Variants in MAPT observed in about 807,000 individuals in gnomAD.
The protein encoded by MAPT is microtubule associated protein tau.
In MAPT, 34 loss-of-function variants were observed where a neutral mutation model predicts 67.9. The observed-to-expected ratio is 0.50, with a 90% CI of 0.38 to 0.67. The LOEUF is 0.67. Ranked by LOEUF, MAPT falls within the 30% of genes least tolerant of loss-of-function variation. MAPT has a pLI of 0.00. For missense variants in MAPT, 881 were observed against 1,115.2 expected (o/e 0.79, Z 2.99); for synonymous variants, 456 against 464.5 (o/e 0.98, Z 0.23).
In MAPT at chr17:46,019,285, G is replaced by A. The variant is rs146265550; in HGVS notation, c.2286+555G>A. Among the ~76,000 whole-genome samples the A allele has an allele frequency of 9.2e-3, 1,359 of 148,424 alleles. 21 individuals are homozygous for A. Among genetic ancestry groups the A allele is most frequent in the African/African-American group, 0.032 (1,313 of 41,226 alleles). ...CATGAGAACAGCATGGGAAAGACCC[G>A]CCCCCATGATTCAGTTACCTCCCAC... On this transcript the variant is annotated intron_variant, in intron 12 of 12. Coordinates refer to ENST00000262410, the MANE Select transcript of MAPT (RefSeq NM_001377265.1).
At chr17:45,999,487 G>A (rs1168338161) in intron 9 of MAPT, 7 of 1,613,942 alleles carry the variant, frequency 4.3e-6, no homozygotes, top group Middle Eastern at 3.3e-4. Context: ...CTTGGAAGGT[G>A]TGGGCACCAT....
chr17:46,007,663 CA>C (rs1417968422), intron 9 of MAPT, among the ~76,000 whole-genome samples: 1 of 152,008 alleles, frequency 6.6e-6, no homozygotes, highest in Admixed American at 6.6e-5. Context: ...AAAAAATAAG[CA>C]AAACAATGTT....
intron 1 of MAPT, among the ~76,000 whole-genome samples, chr17:45,946,438 C>T (rs911957820): frequency 2.0e-5 from 3 of 150,096 alleles, no homozygotes; most frequent in African/African-American, 7.3e-5. Context: ...CTTGTCTCTA[C>T]TAAAAGTTCA....
chr17:45,916,200 T>C (rs541748124), intron 1 of MAPT, among the ~76,000 whole-genome samples: 58 of 152,302 alleles, frequency 3.8e-4, no homozygotes, highest in Non-Finnish European at 5.6e-4. Flanking sequence ...ATTCCTAGGT[T>C]TCTCTTTCAG....
intron 4 of MAPT, 45 bp downstream of exon 4, chr17:45,978,485 A>G (rs2072617964): frequency 2.4e-5 from 16 of 678,304 alleles, no homozygotes; most frequent in Non-Finnish European, 3.4e-5. Flanking sequence ...GGTTGGGGGG[A>G]GGGACATGGG....
chr17:45,962,260 T>C, intron 1 of MAPT, 61 bp from the exon 2 acceptor site: 1 of 1,401,474 alleles, frequency 7.1e-7, no homozygotes. Context: ...CCTCTCTCTC[T>C]TCACCCCCAC....
At chr17:46,017,049 G>T (rs1191629529) in intron 11 of MAPT, among the ~76,000 whole-genome samples, 1 of 152,214 alleles carries the variant, frequency 6.6e-6, no homozygotes, top group Non-Finnish European at 1.5e-5. Flanking sequence ...AAGGCCATGA[G>T]AAGTTCAGTC....
chr17:46,019,969 G>A (rs968611494), intron 12 of MAPT, among the ~76,000 whole-genome samples: 10 of 150,370 alleles, frequency 6.7e-5, no homozygotes, highest in African/African-American at 2.2e-4. Context: ...CCGAGATCGT[G>A]CCACTGCACT....
chr17:45,903,848 TTA>T (rs1224233717), intron 1 of MAPT, among the ~76,000 whole-genome samples: 11 of 48,626 alleles, frequency 2.3e-4, no homozygotes, highest in African/African-American at 6.0e-4. Flanking sequence ...ATTTTATATA[TTA>T]TATATTATAT....
In MAPT at chr17:45,978,197, C is replaced by T; in HGVS notation, c.221-178C>T. On this transcript the variant is annotated intron_variant, in intron 3 of 12. Coordinates refer to ENST00000262410, the MANE Select transcript of MAPT (RefSeq NM_001377265.1). ...CCTTTTGTTTAGTGAACTTTTATCA[C>T]CAGCATCCTCAGCAATGACATTTGC... 6 of 658,910 alleles carry T rather than the reference C, an allele frequency of 9.1e-6. No individual in the cohort carries two copies. The Middle Eastern group carries it at 1.5e-3, about 161-fold the overall frequency. 40.8% of individuals were successfully genotyped at this position (658,910 alleles called of 1,614,324 possible).
chr17:45,919,832 G>A (rs1238942263), intron 1 of MAPT, among the ~76,000 whole-genome samples: 1 of 152,262 alleles, frequency 6.6e-6, no homozygotes. Flanking sequence ...AGGATCGCTT[G>A]TGCCCAGGAG....
intron 4 of MAPT, among the ~76,000 whole-genome samples, chr17:45,982,397 C>T (rs368368517): frequency 2.0e-5 from 3 of 152,036 alleles, no homozygotes; most frequent in African/African-American, 7.2e-5. Flanking sequence ...ATTCTCGCTA[C>T]ACCCAAACCA....
intron 1 of MAPT, among the ~76,000 whole-genome samples, chr17:45,902,184 G>A (rs1320718801): frequency 2.0e-5 from 3 of 151,936 alleles, no homozygotes; most frequent in South Asian, 2.1e-4. Flanking sequence ...AAGCAATTCC[G>A]CCTCAGCCTC....
chr17:45,937,759 A>G (rs371767472), intron 1 of MAPT, among the ~76,000 whole-genome samples: 1 of 152,066 alleles, frequency 6.6e-6, no homozygotes, highest in African/African-American at 2.4e-5. Context: ...CTTTTGTACC[A>G]TTTTGCTTGA....
rs145909350 is a variant in MAPT, at chr17:45,994,560, C to T, written c.1733-1839C>T. Among the ~76,000 whole-genome samples the T allele has an allele frequency of 1.5e-3, 227 of 152,282 alleles. 2 individuals carry two copies. Among genetic ancestry groups the T allele is most frequent in the Middle Eastern group, 0.01 (3 of 294 alleles). ...GAAATCCGCAGGGCACGGTGGCTCA[C>T]GTCTATAATCCCGGCACTTTGGGAG... On this transcript the variant is annotated intron_variant, in intron 8 of 12. Coordinates refer to ENST00000262410, the MANE Select transcript of MAPT (RefSeq NM_001377265.1).
At chr17:45,961,824 G>T (rs2070452792) in intron 1 of MAPT, among the ~76,000 whole-genome samples, 1 of 150,296 alleles carries the variant, frequency 6.7e-6, no homozygotes, top group Admixed American at 6.6e-5. Context: ...CACCCAGGCT[G>T]GAGTGCAGTG....
intron 12 of MAPT, among the ~76,000 whole-genome samples, chr17:46,021,667 G>C (rs1260800557): frequency 6.6e-6 from 1 of 152,170 alleles, no homozygotes; most frequent in Admixed American, 6.5e-5. Context: ...CTACGTCCCG[G>C]GGTGGTTGTG....
intron 9 of MAPT, among the ~76,000 whole-genome samples, chr17:46,007,084 A>G (rs1397292692): frequency 6.6e-6 from 1 of 151,946 alleles, no homozygotes; most frequent in East Asian, 1.9e-4. Context: ...TTATTGCACA[A>G]TGTATGTCTG....
rs1478151341 is a variant in MAPT, at chr17:45,983,558, G to A, written c.979G>A (p.Glu327Lys). ...GCGGCCTCCCCAGACAGCCGCCAGA[G>A]AAGCCACCAGCATCCCAGGCTTCCC... ...DGRPPQTAAREATSIPGFPAE... is the reference protein window; with the variant it reads ...DGRPPQTAARKATSIPGFPAE... The change falls in exon 5 of 13, where the codon GAA becomes AAA. Residue 327 changes from glutamate (E) to lysine (K), a missense_variant. This residue lies in a region of MAPT where 687 missense variants were observed against 766.1 expected (regional missense o/e 0.90). Coordinates refer to ENST00000262410, the MANE Select transcript of MAPT (RefSeq NM_001377265.1). 1.2e-6 allele frequency: 2 copies of A among 1,613,120 alleles called. No homozygotes were observed. Among genetic ancestry groups the A allele is most frequent in the Admixed American group, 1.7e-5 (1 of 60,026 alleles).
Sources: allele counts gnomAD v4.1 joint callset (sites outside exome capture counted in the v4.1 genomes callset), GRCh38; gene constraint gnomAD v4.1.1; regional missense constraint gnomAD v4.1.1; transcripts MANE v1.5; gene names NCBI Gene and HGNC (gene_info 2026-07-23, HGNC 2026-07-21).